CFTR: variants seen among roughly 807,000 people sequenced by gnomAD.
CFTR encodes the protein cystic fibrosis transmembrane conductance regulator.
Under a neutral mutation model 171.6 loss-of-function variants are expected in CFTR, and 181 were observed. The observed-to-expected ratio is 1.05, with a 90% CI of 0.93 to 1.19. The LOEUF (loss-of-function observed/expected upper bound fraction) is 1.19. CFTR is among the 50% of genes most tolerant of loss of function. CFTR has a pLI of 0.00. For missense variants in CFTR, 1,968 were observed against 1,734.7 expected (o/e 1.13, Z -2.39); for synonymous variants, 583 against 608.0 (o/e 0.96, Z 0.60).
At chr7:117,531,267 C>A (rs950028791) in intron 4 of CFTR, among the ~76,000 whole-genome samples, 153 bp downstream of exon 4, 1 of 151,888 alleles carries the variant, frequency 6.6e-6, no homozygotes, top group Admixed American at 6.6e-5. Context: ...ATAATTAATG[C>A]TCTTAATTAT....
chr7:117,488,453 T>G (rs533229554), intron 1 of CFTR, among the ~76,000 whole-genome samples: 2 of 152,126 alleles, frequency 1.3e-5, no homozygotes, highest in East Asian at 3.9e-4. Flanking sequence ...AGCTTAACAG[T>G]TATTAGATTA....
chr7:117,650,875 G>A (rs1308092404), intron 23 of CFTR, among the ~76,000 whole-genome samples: 1 of 152,064 alleles, frequency 6.6e-6, no homozygotes, highest in Non-Finnish European at 1.5e-5. Flanking sequence ...GCTTTAAATA[G>A]GAAGGAAAAA....
intron 6 of CFTR, 114 bp downstream of exon 6, chr7:117,535,525 ATTTTT>A: frequency 2.6e-4 from 132 of 499,248 alleles, no homozygotes; most frequent in Middle Eastern, 5.6e-4. Context: ...GTGTCATTAA[ATTTTT>A]TTTTTTTTTT....
intron 11 of CFTR, among the ~76,000 whole-genome samples, chr7:117,584,926 T>TG (rs1055897148): frequency 4.7e-5 from 7 of 149,702 alleles, no homozygotes; most frequent in African/African-American, 1.5e-4. Flanking sequence ...AGTTTTTTTT[T>TG]TTTGTTTGTT....
At chr7:117,587,239 T>G (rs1791949795) in intron 11 of CFTR, among the ~76,000 whole-genome samples, 2 of 152,090 alleles carry the variant, frequency 1.3e-5, no homozygotes, top group African/African-American at 4.8e-5. Context: ...GGAAAGGAAT[T>G]GCCTTGGACC....
intron 22 of CFTR, among the ~76,000 whole-genome samples, chr7:117,635,031 C>T (rs1792804304): frequency 6.6e-6 from 1 of 152,068 alleles, no homozygotes; most frequent in Admixed American, 6.5e-5. Flanking sequence ...TAGATCTGTC[C>T]ATTCTTTGCA....
intron 3 of CFTR, among the ~76,000 whole-genome samples, chr7:117,514,998 G>GT (rs1018698721): frequency 2.0e-4 from 30 of 147,984 alleles, no homozygotes; most frequent in South Asian, 6.4e-4. Context: ...CCTTAATAGG[G>GT]TTTTTTTTTT....
chr7:117,502,457 C>T (rs535439018), intron 1 of CFTR, among the ~76,000 whole-genome samples: 1 of 152,304 alleles, frequency 6.6e-6, no homozygotes, highest in South Asian at 2.1e-4. Flanking sequence ...GTAGTAAACA[C>T]TTACTTCACC....
intron 2 of CFTR, among the ~76,000 whole-genome samples, chr7:117,507,995 T>C (rs1236683330): frequency 6.6e-6 from 1 of 152,150 alleles, no homozygotes; most frequent in African/African-American, 2.4e-5. Flanking sequence ...AGGCTGGTCT[T>C]GAACTCCTGA....
At chr7:117,597,781 C>G (rs981211185) in intron 15 of CFTR, among the ~76,000 whole-genome samples, 4 of 150,812 alleles carry the variant, frequency 2.7e-5, no homozygotes, top group African/African-American at 7.3e-5. Context: ...GGTTTCTTTA[C>G]CAAGCCTCTA....
chr7:117,642,868 C>T (rs1015937829), intron 23 of CFTR, among the ~76,000 whole-genome samples: 2 of 152,236 alleles, frequency 1.3e-5, no homozygotes, highest in East Asian at 3.9e-4. Context: ...TTTTTAACAG[C>T]TCTTTTTTGT....
At chr7:117,568,387 C>T (rs1435800391) in intron 11 of CFTR, among the ~76,000 whole-genome samples, 8 of 151,734 alleles carry the variant, frequency 5.3e-5, no homozygotes, top group Admixed American at 1.3e-4. Flanking sequence ...ATTGGAGGAG[C>T]GGTAAGGCTG....
At chr7:117,635,843 A>G (rs1299935014) in intron 22 of CFTR, among the ~76,000 whole-genome samples, 20 of 152,210 alleles carry the variant, frequency 1.3e-4, no homozygotes, top group Admixed American at 5.9e-4. Flanking sequence ...TTATGATTGA[A>G]TATATTGATG....
intron 9 of CFTR, 127 bp downstream of exon 9, chr7:117,542,235 C>A: frequency 1.5e-6 from 1 of 664,194 alleles, no homozygotes; most frequent in Non-Finnish European, 2.8e-6. Flanking sequence ...GAAGGAGGAT[C>A]ACTCACTTAT....
At chr7:117,595,189 A>T in intron 15 of CFTR, 131 bp downstream of exon 15, 3 of 668,050 alleles carry the variant, frequency 4.5e-6, no homozygotes, top group African/African-American at 1.8e-5. Flanking sequence ...GTATGCATAT[A>T]TACACACATA....
chr7:117,535,887 T>G (rs1048032098), intron 6 of CFTR, among the ~76,000 whole-genome samples: 1 of 152,174 alleles, frequency 6.6e-6, no homozygotes, highest in Non-Finnish European at 1.5e-5. Context: ...CAATGGTACA[T>G]TTTTTACTTG....
chr7:117,544,901 G>A lies in CFTR; in HGVS notation c.1209+2793G>A, dbSNP rs149611618. Among the ~76,000 whole-genome samples the A allele has an allele frequency of 7.7e-3, 1,167 of 152,280 alleles. 18 individuals are homozygous for A. Among genetic ancestry groups the A allele is most frequent in the African/African-American group, 0.027 (1,110 of 41,554 alleles). On this transcript the variant is annotated intron_variant, in intron 9 of 26. Coordinates refer to ENST00000003084, the MANE Select transcript of CFTR (RefSeq NM_000492.4). ...TCATTTAATTTAGCTTCAGTGAACC[G>A]TTCTTTCCAGATTATTTTGGCCTCA... is the stretch of plus-strand genomic sequence containing the variant.
At chr7:117,532,100 A>C (rs971554060) in intron 4 of CFTR, among the ~76,000 whole-genome samples, 1 of 152,018 alleles carries the variant, frequency 6.6e-6, no homozygotes, top group Admixed American at 6.6e-5. Context: ...CAAAAAAAAC[A>C]GAGTCCACAG....
chr7:117,488,517 T>G (rs1798108275), intron 1 of CFTR, among the ~76,000 whole-genome samples: 1 of 152,096 alleles, frequency 6.6e-6, no homozygotes, highest in Non-Finnish European at 1.5e-5. Context: ...TCATTGCCTC[T>G]TTTTTTGGAA....
Sources: allele counts gnomAD v4.1 joint callset (sites outside exome capture counted in the v4.1 genomes callset), GRCh38; gene constraint gnomAD v4.1.1; transcripts MANE v1.5; gene names NCBI Gene and HGNC (gene_info 2026-07-23, HGNC 2026-07-21).